The following ANXA10 variants were observed in gnomAD, a reference collection of about 807,000 sequenced individuals.
ANXA10 encodes the protein annexin A10, also known as annexin 14.
Under a neutral mutation model 53.5 loss-of-function variants are expected in ANXA10, and 49 were observed. That is an observed-to-expected ratio of 0.92 (90% confidence interval 0.73 to 1.16). The LOEUF (loss-of-function observed/expected upper bound fraction) is 1.16. Among genes scored for constraint, ANXA10 ranks in the 50% most tolerant of loss-of-function variants. The probability of loss-of-function intolerance (pLI) is 0.00; values close to 1 mark genes in which losing one functional copy is unlikely to be tolerated. For synonymous variants in ANXA10, 131 were observed against 128.9 expected, an observed-to-expected ratio of 1.02 and a Z score of -0.11; for missense variants, 393 against 394.4, an observed-to-expected ratio of 1.00 and a Z score of 0.03.
At chr4:168,123,134 C>T (rs1249607312) in intron 1 of ANXA10, among the ~76,000 whole-genome samples, 3 of 152,106 alleles carry the variant, frequency 2.0e-5, no homozygotes, top group Non-Finnish European at 2.9e-5. Context: ...GCCTCAAATA[C>T]CCTGAGCATG....
At chr4:168,183,017 A>AG (rs912167911) in intron 10 of ANXA10, among the ~76,000 whole-genome samples, 2 of 88,348 alleles carry the variant, frequency 2.3e-5, no homozygotes, top group Non-Finnish European at 5.3e-5. Context: ...CGGAAAAAAA[A>AG]AAAAAAAAAA....
chr4:168,126,111 G>A (rs1044371485), intron 1 of ANXA10, among the ~76,000 whole-genome samples: 1 of 114,362 alleles, frequency 8.7e-6, no homozygotes, highest in Non-Finnish European at 2.1e-5. Flanking sequence ...TTTACTCTAA[G>A]GCCAGAATAA....
intron 3 of ANXA10, among the ~76,000 whole-genome samples, chr4:168,140,621 T>C (rs1344752303): frequency 6.6e-6 from 1 of 151,796 alleles, no homozygotes; most frequent in African/African-American, 2.4e-5. Flanking sequence ...GAAATGTCTT[T>C]TTTTTTTTTT....
intron 1 of ANXA10, among the ~76,000 whole-genome samples, chr4:168,100,556 A>G (rs1013363170): frequency 7.2e-5 from 11 of 152,222 alleles, no homozygotes; most frequent in African/African-American, 2.4e-4. Context: ...AAGTGAAGAC[A>G]AAAACAACTG....
intron 2 of ANXA10, among the ~76,000 whole-genome samples, chr4:168,133,044 G>T (rs1291647510): frequency 6.6e-6 from 1 of 152,030 alleles, no homozygotes; most frequent in African/African-American, 2.4e-5. Context: ...GGTGACCTCT[G>T]CCGTCTTCTT....
At chr4:168,173,512 T>G (rs1732057590) in intron 6 of ANXA10, among the ~76,000 whole-genome samples, 1 of 152,132 alleles carries the variant, frequency 6.6e-6, no homozygotes, top group Non-Finnish European at 1.5e-5. Flanking sequence ...GAGCCAAAGG[T>G]AGAAACAGAA....
chr4:168,159,028 G>C (rs887587692), intron 3 of ANXA10, among the ~76,000 whole-genome samples: 2 of 152,088 alleles, frequency 1.3e-5, no homozygotes, highest in African/African-American at 4.8e-5. Context: ...GCAGATACTG[G>C]TGCCATGCTT....
At chr4:168,106,099 T>C (rs907369171) in intron 1 of ANXA10, among the ~76,000 whole-genome samples, 3 of 152,128 alleles carry the variant, frequency 2.0e-5, no homozygotes, top group African/African-American at 7.2e-5. Flanking sequence ...GTTTACTATG[T>C]TGACAGCTTC....
At chr4:168,175,438 G>A (rs913293936) in intron 6 of ANXA10, among the ~76,000 whole-genome samples, 1 of 152,178 alleles carries the variant, frequency 6.6e-6, no homozygotes, top group Non-Finnish European at 1.5e-5. Context: ...TAAGGGAAGA[G>A]TATGGTAACC....
chr4:168,174,331 C>G (rs976429794), intron 6 of ANXA10, among the ~76,000 whole-genome samples: 4 of 152,204 alleles, frequency 2.6e-5, no homozygotes, highest in African/African-American at 9.6e-5. Context: ...TTTCAGGCAC[C>G]ACCATGTCCC....
intron 3 of ANXA10, among the ~76,000 whole-genome samples, chr4:168,155,438 T>C (rs1453873930): frequency 1.5e-5 from 1 of 67,022 alleles, no homozygotes; most frequent in Non-Finnish European, 2.6e-5. Flanking sequence ...TAATTATATA[T>C]AATTATGAAT....
intron 3 of ANXA10, among the ~76,000 whole-genome samples, chr4:168,143,039 C>CT (rs1177032673): frequency 3.3e-5 from 5 of 152,138 alleles, no homozygotes; most frequent in Admixed American, 1.3e-4. Context: ...TGCCTATTTA[C>CT]TTTTTTTTAA....
intron 6 of ANXA10, among the ~76,000 whole-genome samples, chr4:168,175,404 T>C (rs182988820): frequency 6.6e-6 from 1 of 152,328 alleles, no homozygotes. Context: ...CAGAACATAT[T>C]GTGTAAAAAT....
intron 3 of ANXA10, among the ~76,000 whole-genome samples, chr4:168,141,904 T>G (rs1731332879): frequency 1.3e-5 from 2 of 152,108 alleles, no homozygotes; most frequent in South Asian, 4.1e-4. Context: ...TGTGGGGCCC[T>G]CCCTTACTAT....
At chr4:168,116,698 T>C (rs1216743380) in intron 1 of ANXA10, among the ~76,000 whole-genome samples, 1 of 152,196 alleles carries the variant, frequency 6.6e-6, no homozygotes, top group Non-Finnish European at 1.5e-5. Flanking sequence ...TTTCAATAAC[T>C]GAGAAAAACA....
intron 3 of ANXA10, among the ~76,000 whole-genome samples, chr4:168,153,756 G>A (rs1731549516): frequency 6.6e-6 from 1 of 152,058 alleles, no homozygotes; most frequent in African/African-American, 2.4e-5. Context: ...CAGATGCTGT[G>A]ATTATTTTCA....
intron 3 of ANXA10, among the ~76,000 whole-genome samples, chr4:168,156,255 A>G (rs1334237734): frequency 4.1e-4 from 24 of 58,012 alleles, no homozygotes; most frequent in African/African-American, 1.6e-3. Flanking sequence ...TATATATTAT[A>G]TATAATGTAT....
In ANXA10 at chr4:168,164,181, T is replaced by A. The variant is rs966761679; in HGVS notation, c.310-17T>A. 1.9e-6 allele frequency: 3 copies of A among 1,555,644 alleles called. No homozygotes were observed. The highest frequency in any genetic ancestry group is 2.7e-6 in the Non-Finnish European group (3 of 1,129,224). On this transcript the variant is annotated splice_polypyrimidine_tract_variant and intron_variant, in intron 4 of 11. Coordinates refer to ENST00000359299, the MANE Select transcript of ANXA10 (RefSeq NM_007193.5). The stretch of plus-strand genomic sequence containing the variant: ...ATAAAAATATCCTTACATTTATCTC[T>A]TTTTTCCTTTCTCTAGGGAGTAGGC...
chr4:168,160,843 G>A (rs1731770199), intron 3 of ANXA10, among the ~76,000 whole-genome samples: 1 of 152,092 alleles, frequency 6.6e-6, no homozygotes, highest in Admixed American at 6.6e-5. Context: ...GTGTTTGTTG[G>A]CTGCACGTCT....
Sources: gnomAD v4.1 joint callset for allele counts (sites outside exome capture counted in the v4.1 genomes callset) on GRCh38, gnomAD v4.1.1 for gene constraint, MANE v1.5 for transcripts, NCBI Gene and HGNC (gene_info 2026-07-23, HGNC 2026-07-21) for gene names.